CSMD1: variants seen among roughly 807,000 people sequenced by gnomAD.
CSMD1 encodes CUB and Sushi multiple domains 1, also known as CUB and sushi domain-containing protein 1.
Under a neutral mutation model 417.5 loss-of-function variants are expected in CSMD1, and 213 were observed. That is an observed-to-expected ratio of 0.51 (90% CI 0.46 to 0.57). CSMD1 has a LOEUF of 0.57. CSMD1 is among the 20% of genes least tolerant of loss of function. CSMD1 has a pLI of 0.00. For synonymous variants in CSMD1, 2,862 were observed against 1,736.8 expected, an observed-to-expected ratio of 1.65 and a Z score of -16.11; for missense variants, 6,923 against 4,529.7, an observed-to-expected ratio of 1.53 and a Z score of -15.17.
chr8:3,945,409 T>TG (rs969034733), intron 5 of CSMD1, among the ~76,000 whole-genome samples: 158 of 152,116 alleles, frequency 1.0e-3, no homozygotes, highest in African/African-American at 3.3e-3. Context: ...TTAACTTTTT[T>TG]GGGGGGGCAT....
intron 3 of CSMD1, among the ~76,000 whole-genome samples, chr8:4,094,247 T>A (rs931330299): frequency 6.6e-6 from 1 of 151,964 alleles, no homozygotes; most frequent in Non-Finnish European, 1.5e-5. Context: ...ACAAGTTGAC[T>A]GTTTGTAAAT....
At chr8:3,187,845 G>C (rs377349927) in intron 36 of CSMD1, 24 bp downstream of exon 36, 35 of 1,571,356 alleles carry the variant, frequency 2.2e-5, no homozygotes, top group Middle Eastern at 1.7e-4. Flanking sequence ...AGTCACACAG[G>C]TGAGGAAATT....
At chr8:4,970,323 G>C (rs976840277) in intron 1 of CSMD1, among the ~76,000 whole-genome samples, 2 of 152,086 alleles carry the variant, frequency 1.3e-5, no homozygotes, top group African/African-American at 4.8e-5. Context: ...AATGTGGCAA[G>C]GGGATGTGTA....
chr8:3,507,409 G>A (rs1013011919), intron 10 of CSMD1, among the ~76,000 whole-genome samples: 1 of 152,130 alleles, frequency 6.6e-6, no homozygotes, highest in Non-Finnish European at 1.5e-5. Flanking sequence ...TATCATTGTT[G>A]GACATTTGGG....
At chr8:3,178,555 C>G (rs1014656727) in intron 37 of CSMD1, among the ~76,000 whole-genome samples, 1 of 152,174 alleles carries the variant, frequency 6.6e-6, no homozygotes, top group African/African-American at 2.4e-5. Context: ...CCTGCCTCTG[C>G]ATGCCATCTG....
intron 2 of CSMD1, among the ~76,000 whole-genome samples, chr8:4,467,096 T>G (rs910659834): frequency 1.2e-4 from 18 of 144,546 alleles, no homozygotes; most frequent in African/African-American, 4.6e-4. Flanking sequence ...AAATTTCAAC[T>G]TAGTCTTGCT....
chr8:3,252,502 G>A (rs913742594), intron 26 of CSMD1, among the ~76,000 whole-genome samples: 2 of 152,138 alleles, frequency 1.3e-5, no homozygotes, highest in African/African-American at 4.8e-5. Flanking sequence ...ATGTTCATCA[G>A]GGATATTGGT....
intron 40 of CSMD1, among the ~76,000 whole-genome samples, chr8:3,147,157 G>T (rs1226806991): frequency 6.6e-6 from 1 of 152,144 alleles, no homozygotes; most frequent in Non-Finnish European, 1.5e-5. Context: ...TCAGATACTA[G>T]AGATACAATC....
At chr8:3,855,092 C>G (rs1000575411) in intron 5 of CSMD1, among the ~76,000 whole-genome samples, 2 of 152,100 alleles carry the variant, frequency 1.3e-5, no homozygotes, top group East Asian at 3.9e-4. Context: ...GAGTATTTAC[C>G]TACTACTCTT....
chr8:3,084,086 T>C (rs1260660457), intron 49 of CSMD1, among the ~76,000 whole-genome samples: 1 of 152,104 alleles, frequency 6.6e-6, no homozygotes, highest in East Asian at 1.9e-4. Flanking sequence ...TGTGAGTGGA[T>C]GGGAGAAGGT....
chr8:3,784,023 G>C (rs568875601), intron 5 of CSMD1, among the ~76,000 whole-genome samples: 3 of 152,248 alleles, frequency 2.0e-5, no homozygotes, highest in African/African-American at 7.2e-5. Context: ...GTTTATCATC[G>C]TACAACATGC....
At chr8:3,564,275 G>C (rs965314605) in intron 10 of CSMD1, among the ~76,000 whole-genome samples, 1 of 151,588 alleles carries the variant, frequency 6.6e-6, no homozygotes, top group Non-Finnish European at 1.5e-5. Flanking sequence ...CTTTTATTAA[G>C]AAAAAAAAGA....
At chr8:4,311,927 G>A (rs1486194964) in intron 3 of CSMD1, among the ~76,000 whole-genome samples, 4 of 151,872 alleles carry the variant, frequency 2.6e-5, no homozygotes, top group Admixed American at 2.6e-4. Flanking sequence ...ATTTACCTGT[G>A]TAACAAACCT....
chr8:3,537,090 G>A (rs1186468996), intron 10 of CSMD1, among the ~76,000 whole-genome samples: 4 of 151,818 alleles, frequency 2.6e-5, no homozygotes, highest in South Asian at 2.1e-4. Context: ...TGCCACCTCC[G>A]CCTCCTGGGT....
chr8:3,397,051 T>C (rs8180907), intron 16 of CSMD1, among the ~76,000 whole-genome samples: 97,726 of 151,926 alleles, frequency 0.64, 31,841 homozygotes, highest in African/African-American at 0.73. Flanking sequence ...GAATCTAGCC[T>C]GAGATTTTAT....
intron 1 of CSMD1, among the ~76,000 whole-genome samples, chr8:4,874,884 AG>A (rs1802954098): frequency 7.2e-6 from 1 of 139,496 alleles, no homozygotes; most frequent in Non-Finnish European, 1.5e-5. Context: ...TATAGTATAG[AG>A]TATAGTGTAT....
At chr8:4,461,597 C>G (rs1360827202) in intron 2 of CSMD1, among the ~76,000 whole-genome samples, 1 of 151,782 alleles carries the variant, frequency 6.6e-6, no homozygotes, top group African/African-American at 2.4e-5. Flanking sequence ...GTTGCCCAGT[C>G]TGAAATGCAG....
At chr8:4,229,633 C>A (rs1245710466) in intron 3 of CSMD1, among the ~76,000 whole-genome samples, 2 of 152,174 alleles carry the variant, frequency 1.3e-5, no homozygotes, top group Non-Finnish European at 2.9e-5. Context: ...GTTCACTCCT[C>A]TTCTCCAGCT....
At chr8:4,239,424 C>G (rs1446884848) in intron 3 of CSMD1, among the ~76,000 whole-genome samples, 1 of 152,172 alleles carries the variant, frequency 6.6e-6, no homozygotes, top group Non-Finnish European at 1.5e-5. Flanking sequence ...CTTAACTCGT[C>G]TTTCTCCTGG....
Sources: gnomAD v4.1 joint callset for allele counts (sites outside exome capture counted in the v4.1 genomes callset) on GRCh38, gnomAD v4.1.1 for gene constraint, MANE v1.5 for transcripts, NCBI Gene and HGNC (gene_info 2026-07-23, HGNC 2026-07-21) for gene names.